Variants in NTRK2 observed in about 807,000 individuals in gnomAD.
NTRK2 encodes the protein BDNF/NT-3 growth factors receptor.
In NTRK2, 13 loss-of-function variants were observed where a neutral mutation model predicts 94.5. That is an observed-to-expected ratio of 0.14 (90% CI 0.09 to 0.22). The LOEUF (loss-of-function observed/expected upper bound fraction) is 0.22. NTRK2 is among the 10% of genes least tolerant of loss of function. NTRK2 has a pLI of 1.00. For synonymous variants in NTRK2, 372 were observed against 407.4 expected, an observed-to-expected ratio of 0.91 and a Z score of 1.05; for missense variants, 639 against 1,071.2, an observed-to-expected ratio of 0.60 and a Z score of 5.63.
chr9:84,804,278 T>TA (rs956675876), intron 12 of NTRK2, among the ~76,000 whole-genome samples: 15 of 151,676 alleles, frequency 9.9e-5, no homozygotes, highest in Non-Finnish European at 1.9e-4. Context: ...CCAACCACTT[T>TA]AAAAAAAAAT....
intron 6 of NTRK2, among the ~76,000 whole-genome samples, chr9:84,712,788 T>A (rs2061492331): frequency 6.6e-6 from 1 of 152,200 alleles, no homozygotes; most frequent in Admixed American, 6.5e-5. Flanking sequence ...CCATTTCAGG[T>A]CAGTAGTCAT....
intron 14 of NTRK2, among the ~76,000 whole-genome samples, chr9:84,880,090 A>T (rs575769345): frequency 1.4e-4 from 21 of 152,344 alleles, no homozygotes; most frequent in African/African-American, 5.1e-4. Context: ...TGAAAAGTTT[A>T]CATTTTTAGT....
chr9:84,876,480 A>G (rs1006572755), intron 14 of NTRK2: 2 of 1,054,950 alleles, frequency 1.9e-6, no homozygotes, highest in Admixed American at 5.4e-5. Flanking sequence ...TCTTCAGTCT[A>G]CTACTGAGGA....
chr9:84,850,456 G>C (rs2074707672), intron 12 of NTRK2, among the ~76,000 whole-genome samples: 1 of 152,164 alleles, frequency 6.6e-6, no homozygotes, highest in Admixed American at 6.5e-5. Flanking sequence ...GTGAAATTAA[G>C]GTGATAAAGC....
intron 14 of NTRK2, among the ~76,000 whole-genome samples, chr9:84,880,254 G>T (rs11794145): frequency 0.019 from 2,830 of 152,294 alleles, 42 homozygotes; most frequent in Non-Finnish European, 0.03. Context: ...GTGTTTGGGA[G>T]CATGTTGAGG....
intron 12 of NTRK2, among the ~76,000 whole-genome samples, chr9:84,791,126 G>T (rs1006879029): frequency 6.6e-6 from 1 of 152,048 alleles, no homozygotes; most frequent in African/African-American, 2.4e-5. Flanking sequence ...TGTTCTTTTG[G>T]TAACTTATGC....
At chr9:84,829,860 G>C (rs1587555785) in intron 12 of NTRK2, among the ~76,000 whole-genome samples, 1 of 152,164 alleles carries the variant, frequency 6.6e-6, no homozygotes, top group African/African-American at 2.4e-5. Flanking sequence ...CTTTCCACAA[G>C]GGATAGCAAA....
At chr9:84,730,760 ACTAAAG>A (rs1564144979) in intron 9 of NTRK2, among the ~76,000 whole-genome samples, 4 of 113,022 alleles carry the variant, frequency 3.5e-5, no homozygotes, top group East Asian at 2.6e-4. Context: ...AAAAAAAAAA[ACTAAAG>A]AAAAATAAAC....
At chr9:84,812,434 A>G (rs2071912021) in intron 12 of NTRK2, 1 of 1,054,924 alleles carries the variant, frequency 9.5e-7, no homozygotes, top group South Asian at 4.6e-5. Context: ...ATGTAAGGGC[A>G]GCTGGCCCCC....
intron 12 of NTRK2, among the ~76,000 whole-genome samples, chr9:84,758,938 A>T (rs748917106): frequency 7.9e-5 from 12 of 152,236 alleles, no homozygotes; most frequent in Non-Finnish European, 1.3e-4. Flanking sequence ...GCATGGGAAT[A>T]TAAACCACAC....
At chr9:84,926,563 T>C (rs1436405608) in intron 14 of NTRK2, among the ~76,000 whole-genome samples, 2 of 152,156 alleles carry the variant, frequency 1.3e-5, no homozygotes, top group African/African-American at 4.8e-5. Flanking sequence ...GCATGTTGCC[T>C]GCTGTTCCTC....
chr9:84,797,983 G>C (rs2069823563), intron 12 of NTRK2, among the ~76,000 whole-genome samples: 1 of 146,918 alleles, frequency 6.8e-6, no homozygotes, highest in Non-Finnish European at 1.5e-5. Context: ...AGGACTCCTG[G>C]GTATGAGCCA....
chr9:84,912,920 C>A (rs1032195678), intron 14 of NTRK2, among the ~76,000 whole-genome samples: 5 of 152,064 alleles, frequency 3.3e-5, no homozygotes, highest in African/African-American at 9.7e-5. Context: ...CCGGCCTAAC[C>A]TGCCTTATTT....
chr9:84,856,165 A>G (rs2075051909), intron 12 of NTRK2, among the ~76,000 whole-genome samples: 1 of 152,200 alleles, frequency 6.6e-6, no homozygotes. Flanking sequence ...CTCACATTGT[A>G]AGTTTGATGA....
Position 84,815,455 on chromosome 9 carries a change from C to T in NTRK2, c.1397-45585C>T, listed in dbSNP as rs115669887. ...AAGAAACGCAAATCCTTGAGTTTCA[C>T]GCACTTCATGTTCAACCATTTGCTG... is the stretch of plus-strand genomic sequence containing the variant. On this transcript the variant is annotated intron_variant, in intron 12 of 18. Coordinates refer to ENST00000277120, the MANE Select transcript of NTRK2 (RefSeq NM_006180.6). The T allele has an allele frequency of 1.1e-3, 1,135 of 1,042,730 alleles. 10 individuals carry two copies. In the African/African-American group the frequency reaches 0.014, roughly 13 times the overall value. 64.6% of individuals were successfully genotyped at this position (1,042,730 alleles called of 1,614,324 possible).
At chr9:84,723,066 G>A (rs2062182741) in intron 6 of NTRK2, among the ~76,000 whole-genome samples, 2 of 152,296 alleles carry the variant, frequency 1.3e-5, no homozygotes, top group South Asian at 4.1e-4. Context: ...TTCAAAATCT[G>A]TGTCTGGTAG....
intron 5 of NTRK2, among the ~76,000 whole-genome samples, chr9:84,709,241 C>A (rs1014246015): frequency 4.6e-5 from 7 of 152,168 alleles, no homozygotes; most frequent in African/African-American, 1.7e-4. Context: ...GAGAAAGAAG[C>A]CAGCTGTGCA....
chr9:84,700,949 G>A (rs1298057768), intron 2 of NTRK2, among the ~76,000 whole-genome samples: 9 of 152,060 alleles, frequency 5.9e-5, no homozygotes. Flanking sequence ...CATCCTTTGA[G>A]TACCTACCTT....
At position 85,000,054 on chromosome 9, in the gene NTRK2, T is replaced by A. The variant is rs372155777; in HGVS notation, c.2173-20152T>A. On this transcript the variant is annotated intron_variant, in intron 17 of 18. Transcript: ENST00000277120. ...GAGGAACCCGAGACACAGCCTCGGGTCACATCCCACGTCCTCATTGCAGCA... is the reference window on the plus strand; with the variant it reads ...GAGGAACCCGAGACACAGCCTCGGGACACATCCCACGTCCTCATTGCAGCA... Among the ~76,000 whole-genome samples the A allele has an allele frequency of 2.6e-5, 4 of 152,098 alleles. No individual in the cohort carries two copies. In the East Asian group the frequency reaches 7.7e-4, roughly 29 times the overall value.
Sources: allele counts gnomAD v4.1 joint callset (sites outside exome capture counted in the v4.1 genomes callset), GRCh38; gene constraint gnomAD v4.1.1; transcripts MANE v1.5; gene names NCBI Gene and HGNC (gene_info 2026-07-23, HGNC 2026-07-21).